ASTN2: variants seen among roughly 807,000 people sequenced by gnomAD.
The protein encoded by ASTN2 is astrotactin-2.
In ASTN2, 54 loss-of-function variants were observed where a neutral mutation model predicts 139.8. The observed-to-expected ratio is 0.39, with a 90% confidence interval of 0.31 to 0.48. The LOEUF is 0.48. ASTN2 is among the 20% of genes least tolerant of loss of function. The pLI, the probability that ASTN2 is intolerant of heterozygous loss-of-function variation, is 0.95. For synonymous variants in ASTN2, 756 were observed against 719.5 expected (o/e 1.05, Z -0.81); for missense variants, 1,565 against 1,725.1 (o/e 0.91, Z 1.64).
chr9:116,544,752 G>GCAAA, intron 19 of ASTN2, among the ~76,000 whole-genome samples: 1 of 152,292 alleles, frequency 6.6e-6, no homozygotes, highest in African/African-American at 2.4e-5. Context: ...GACCACAGGA[G>GCAAA]CAAACACAAC....
intron 1 of ASTN2, among the ~76,000 whole-genome samples, chr9:117,340,368 T>C (rs865944270): frequency 7.1e-5 from 9 of 126,354 alleles, no homozygotes; most frequent in African/African-American, 2.7e-4. Context: ...AAAAGTGTCA[T>C]GGAGAGGAGG....
At chr9:116,725,307 C>T (rs778993524) in intron 16 of ASTN2, among the ~76,000 whole-genome samples, 11 of 151,860 alleles carry the variant, frequency 7.2e-5, no homozygotes, top group South Asian at 2.1e-4. Flanking sequence ...GAATGGAAAC[C>T]GTCTGCTTGG....
intron 10 of ASTN2, among the ~76,000 whole-genome samples, chr9:116,866,440 G>A (rs1833014855): frequency 1.3e-5 from 2 of 152,176 alleles, no homozygotes; most frequent in South Asian, 4.1e-4. Context: ...AGGGAGTGAG[G>A]TGACAGGTTT....
chr9:117,042,998 G>C (rs974675930), intron 5 of ASTN2, among the ~76,000 whole-genome samples: 1 of 152,008 alleles, frequency 6.6e-6, no homozygotes, highest in African/African-American at 2.4e-5. Context: ...AGCCTCCCAA[G>C]TAGCTAGGGT....
intron 19 of ASTN2, among the ~76,000 whole-genome samples, chr9:116,503,959 C>G (rs1473774628): frequency 6.6e-6 from 1 of 152,088 alleles, no homozygotes; most frequent in Non-Finnish European, 1.5e-5. Context: ...TCCATAGTCC[C>G]AAAGCTGACT....
At chr9:116,783,411 C>G (rs920740984) in intron 13 of ASTN2, among the ~76,000 whole-genome samples, 2 of 151,224 alleles carry the variant, frequency 1.3e-5, no homozygotes, top group Non-Finnish European at 2.9e-5. Flanking sequence ...CGACCTACCA[C>G]GCACCAAGCC....
intron 3 of ASTN2, among the ~76,000 whole-genome samples, chr9:117,205,693 C>T (rs935843771): frequency 6.6e-6 from 1 of 152,088 alleles, no homozygotes; most frequent in Non-Finnish European, 1.5e-5. Context: ...ACCCAGAGCT[C>T]CAGGGAAGGG....
chr9:116,486,919 A>G (rs6478240), intron 20 of ASTN2, among the ~76,000 whole-genome samples: 54,210 of 151,928 alleles, frequency 0.36, 10,146 homozygotes, highest in South Asian at 0.52. Context: ...ATATATCAGC[A>G]TATATATCTC....
At chr9:116,802,884 C>T (rs1830901075) in intron 13 of ASTN2, among the ~76,000 whole-genome samples, 1 of 152,186 alleles carries the variant, frequency 6.6e-6, no homozygotes. Flanking sequence ...AGGAAAATGC[C>T]CTTTAACTCT....
chr9:116,842,515 T>C (rs1378012448), intron 11 of ASTN2, among the ~76,000 whole-genome samples: 1 of 151,590 alleles, frequency 6.6e-6, no homozygotes, highest in Non-Finnish European at 1.5e-5. Flanking sequence ...TCCTGGCATA[T>C]AAGTGAGTGG....
intron 4 of ASTN2, among the ~76,000 whole-genome samples, chr9:117,096,666 C>T (rs1828847787): frequency 6.6e-6 from 1 of 152,168 alleles, no homozygotes; most frequent in Non-Finnish European, 1.5e-5. Flanking sequence ...AGCTAGTCAG[C>T]AGGACAAATG....
At chr9:117,104,192 A>G (rs1829049010) in intron 4 of ASTN2, among the ~76,000 whole-genome samples, 1 of 152,250 alleles carries the variant, frequency 6.6e-6, no homozygotes, top group Non-Finnish European at 1.5e-5. Flanking sequence ...GAAAACCTAT[A>G]TATGATAAAA....
intron 13 of ASTN2, among the ~76,000 whole-genome samples, chr9:116,760,670 G>C (rs552604759): frequency 2.6e-5 from 4 of 152,172 alleles, no homozygotes; most frequent in African/African-American, 4.8e-5. Context: ...CCTGGGGAAG[G>C]GGGAGGGGAG....
chr9:117,107,403 G>T (rs955008190), intron 4 of ASTN2, among the ~76,000 whole-genome samples: 1 of 152,058 alleles, frequency 6.6e-6, no homozygotes, highest in African/African-American at 2.4e-5. Flanking sequence ...ACACCCTCCC[G>T]AAAGGATATA....
chr9:117,375,996 C>T (rs897314578), intron 1 of ASTN2, among the ~76,000 whole-genome samples: 1 of 152,082 alleles, frequency 6.6e-6, no homozygotes, highest in Non-Finnish European at 1.5e-5. Context: ...CTGCCTGATT[C>T]TTATAAGGAC....
chr9:117,385,620 G>A (rs1368288847), intron 1 of ASTN2, among the ~76,000 whole-genome samples: 2 of 152,072 alleles, frequency 1.3e-5, no homozygotes, highest in African/African-American at 4.8e-5. Flanking sequence ...TCAAGACCAT[G>A]GGGTGGCATG....
chr9:117,235,105 G>C (rs1005366334), intron 2 of ASTN2, among the ~76,000 whole-genome samples: 3 of 152,038 alleles, frequency 2.0e-5, no homozygotes, highest in African/African-American at 7.2e-5. Flanking sequence ...ATGGTGACAG[G>C]CACCTGTAAT....
chr9:117,009,882 T>G (rs1440515722), intron 6 of ASTN2, among the ~76,000 whole-genome samples: 1 of 152,086 alleles, frequency 6.6e-6, no homozygotes, highest in Non-Finnish European at 1.5e-5. Context: ...GGAGGTGGGA[T>G]CACATCAGAC....
intron 19 of ASTN2, among the ~76,000 whole-genome samples, chr9:116,594,178 A>T (rs1854478844): frequency 6.6e-6 from 1 of 152,206 alleles, no homozygotes; most frequent in Non-Finnish European, 1.5e-5. Context: ...AGCCAGCAAG[A>T]GCCTCAATAC....
Sources: allele counts gnomAD v4.1 joint callset (sites outside exome capture counted in the v4.1 genomes callset), GRCh38; gene constraint gnomAD v4.1.1; transcripts MANE v1.5; gene names NCBI Gene and HGNC (gene_info 2026-07-23, HGNC 2026-07-21).